Variants in AKAP8 observed in about 807,000 individuals in gnomAD.
The protein encoded by AKAP8 is A-kinase anchoring protein 8, also known as A-kinase anchor protein 8.
AKAP8 carries 24 observed loss-of-function variants against 67.5 expected under a neutral mutation model. That is an observed-to-expected ratio of 0.36 (90% CI 0.26 to 0.50). AKAP8 has a LOEUF of 0.50. Among genes scored for constraint, AKAP8 ranks in the 20% least tolerant of loss-of-function variants. The probability of loss-of-function intolerance (pLI) is 0.97; values close to 1 mark genes in which losing one functional copy is unlikely to be tolerated. For synonymous variants in AKAP8, 400 were observed against 371.1 expected, an observed-to-expected ratio of 1.08 and a Z score of -0.90; for missense variants, 971 against 955.9, an observed-to-expected ratio of 1.02 and a Z score of -0.21.
rs1368833958 is a variant in AKAP8, at chr19:15,355,049, C to T, written c.1945G>A (p.Ala649Thr). 3 of 1,614,044 alleles carry T rather than the reference C, an allele frequency of 1.9e-6. No individual in the cohort carries two copies. The highest frequency in any genetic ancestry group is 2.2e-5 in the East Asian group (1 of 44,902). ...VPKARSEAAE[A>T]GNGAETMAAE... is the part of the protein sequence containing the mutation. The stretch of plus-strand genomic sequence containing the variant: ...GCCATTGTCTCGGCGCCATTTCCAG[C>T]CTCTGCAGCCTCACTTCTGGCCTTG... The change falls in exon 14 of 14, where the codon GCT becomes ACT. Residue 649 changes from alanine to threonine, a missense_variant. By Grantham distance (58) the Ala-to-Thr change is moderately conservative. Coordinates refer to ENST00000269701, the MANE Select transcript of AKAP8 (RefSeq NM_005858.4).
intron 2 of AKAP8, among the ~76,000 whole-genome samples, chr19:15,375,560 T>C (rs552952877): frequency 6.6e-6 from 1 of 152,204 alleles, no homozygotes; most frequent in South Asian, 2.1e-4. Context: ...ACAAAAACTA[T>C]GAGCTATAGT....
chr19:15,362,825 T>C (rs1359259252), intron 9 of AKAP8, among the ~76,000 whole-genome samples: 7 of 147,538 alleles, frequency 4.7e-5, no homozygotes, highest in African/African-American at 1.5e-4. Flanking sequence ...GCCCATCGTC[T>C]GGGATGTGAG....
chr19:15,361,251 C>T lies in AKAP8; in HGVS notation c.1397-273G>A, dbSNP rs1381944152. ...TCACTGATATAAGCTGCAATCTATG[C>T]AAGGCCACATCCGAAGGTTTCTTTC... On this transcript the variant is annotated intron_variant, in intron 11 of 13. Coordinates refer to ENST00000269701, the MANE Select transcript of AKAP8 (RefSeq NM_005858.4). Among the ~76,000 whole-genome samples, 4 of 121,242 alleles carry T rather than the reference C, an allele frequency of 3.3e-5. No homozygotes were observed. In the East Asian group the frequency reaches 1.1e-3, roughly 32 times the overall value. The allele number at this position is 121,242 out of a possible 152,430, so 79.5% of individuals were successfully genotyped here.
intron 13 of AKAP8, among the ~76,000 whole-genome samples, chr19:15,358,392 T>C (rs1227088725): frequency 6.6e-6 from 1 of 151,800 alleles, no homozygotes; most frequent in African/African-American, 2.4e-5. Context: ...TCTCACTCTG[T>C]CACCTGGGCT....
rs1967264587 is a variant in AKAP8 at position 15,377,007 on chromosome 19, C to A, written c.27G>T (p.Gly9=). Residue 9 remains glycine, a synonymous_variant, in exon 2 of 14, where the codon GGG becomes GGT. Transcript: ENST00000269701. MDQGYGGY[G]AWSAGPANTQ... ...TGTTGGCAGGTCCAGCACTCCACGCCCCGTAGCCTGCAAGAAGACCCCGTG... is the reference window on the plus strand; with the variant it reads ...TGTTGGCAGGTCCAGCACTCCACGCACCGTAGCCTGCAAGAAGACCCCGTG... 1 of 1,613,172 alleles carries A rather than the reference C, an allele frequency of 6.2e-7. No homozygotes were observed. Among genetic ancestry groups the A allele is most frequent in the African/African-American group, 1.3e-5 (1 of 74,886 alleles).
chr19:15,370,035 C>T (rs541425327), intron 8 of AKAP8, 111 bp downstream of exon 8: 1 of 1,360,156 alleles, frequency 7.4e-7, no homozygotes, highest in African/African-American at 1.4e-5. Context: ...CCTCTTCCCC[C>T]ACAGCCACGG....
Position 15,366,042 on chromosome 19 carries a change from A to G in AKAP8, c.1160+2193T>C, listed in dbSNP as rs6512026. Among the ~76,000 whole-genome samples the G allele has an allele frequency of 7.1e-3, 1,075 of 150,704 alleles. 17 individuals are homozygous for G. The highest frequency in any genetic ancestry group is 0.025 in the African/African-American group (1,008 of 41,064). ...CCATCTCAAAGGATAAAAAAAAAAA[A>G]AAAGAAAAAGATCCTCAGTCACTAG... On this transcript the variant is annotated intron_variant, in intron 9 of 13. Transcript: ENST00000269701.
At chr19:15,374,465 C>T (rs1599572416) in intron 3 of AKAP8, 138 bp downstream of exon 3, 1 of 1,064,800 alleles carries the variant, frequency 9.4e-7, no homozygotes, top group Non-Finnish European at 1.3e-6. Flanking sequence ...ATATACACAA[C>T]AGCAGCCGTG....
chr19:15,365,141 T>C (rs1034202686), intron 9 of AKAP8, among the ~76,000 whole-genome samples: 8 of 152,226 alleles, frequency 5.3e-5, no homozygotes, highest in Admixed American at 4.6e-4. Context: ...CCCTAGGCTC[T>C]GGCTGGCAGC....
chr19:15,371,978 G>C lies in AKAP8; in HGVS notation c.1012C>G (p.Arg338Gly). The C allele has an allele frequency of 6.2e-7, 1 of 1,614,144 alleles. No individual in the cohort carries two copies. ...SENDDAAGDFRSGDEEFKGED... is the reference protein window; with the variant it reads ...SENDDAAGDFGSGDEEFKGED... ...CCCTTGAATTCTTCATCTCCTGAGCGGAAGTCACCAGCTGCGTCATCTGCC... is the reference window on the plus strand; with the variant it reads ...CCCTTGAATTCTTCATCTCCTGAGCCGAAGTCACCAGCTGCGTCATCTGCC... Residue 338 changes from arginine to glycine, a missense_variant, in exon 7 of 14, where the codon CGC becomes GGC. This residue lies in a region of AKAP8 where 763 missense variants were observed against 745.4 expected (regional missense o/e 1.02). Transcript: ENST00000269701.
chr19:15,364,164 T>A (rs1436154471), intron 9 of AKAP8, among the ~76,000 whole-genome samples: 1 of 141,006 alleles, frequency 7.1e-6, no homozygotes, highest in African/African-American at 2.6e-5. Flanking sequence ...TTTCCTTTTT[T>A]TTTTTTTTTT....
chr19:15,373,209 C>A lies in AKAP8; in HGVS notation c.503G>T (p.Gly168Val). The A allele has an allele frequency of 6.2e-7, 1 of 1,613,886 alleles. No individual in the cohort carries two copies. Among genetic ancestry groups the A allele is most frequent in the Non-Finnish European group, 8.5e-7 (1 of 1,180,020 alleles). Residue 168 changes from glycine (G) to valine (V), a missense_variant, in exon 5 of 14, where the codon GGG becomes GTG. By Grantham distance (109) the Gly-to-Val change is moderately radical. This residue lies in a region of AKAP8 where 763 missense variants were observed against 745.4 expected (regional missense o/e 1.02). Transcript: ENST00000269701. ...TGGGTCTCGGCATTCACTGTACTGC[C>A]CCCCAAAGCTGCCATTGCGGTCGGA... ...LGSDRNGSFG[G>V]QYSECRDPAR...
chr19:15,379,720 G>C lies in AKAP8; in HGVS notation c.12C>G (p.Gly4=), dbSNP rs1405449623. The C allele has an allele frequency of 1.9e-6, 3 of 1,611,766 alleles. No homozygotes were observed. Among genetic ancestry groups the C allele is most frequent in the Non-Finnish European group, 2.5e-6 (3 of 1,179,174 alleles). MDQ[G]YGGYGAWSAG... ...CCAGCAGCCAACACAAACCTCCGTA[G>C]CCCTGGTCCATGTCTTCGACGCGGC... The change falls in exon 1 of 14, where the codon GGC becomes GGG. Residue 4 remains glycine (G), a synonymous_variant. Coordinates refer to ENST00000269701, the MANE Select transcript of AKAP8 (RefSeq NM_005858.4).
At chr19:15,360,029 G>A (rs1966940387) in intron 12 of AKAP8, among the ~76,000 whole-genome samples, 1 of 152,054 alleles carries the variant, frequency 6.6e-6, no homozygotes, top group South Asian at 2.1e-4. Flanking sequence ...CAGCTACTTA[G>A]GAGGCTGAGG....
Position 15,369,320 on chromosome 19 carries a change from G to T in AKAP8, c.1072+826C>A. On this transcript the variant is annotated intron_variant, in intron 8 of 13. Transcript: ENST00000269701. The surrounding 1 kb of genome is among the most constrained non-coding windows in gnomAD (Gnocchi z 4.6). ...GGACAGGACTGCTGCGGGTCGCGGGGGGGAGGACCGCAGAGGGCTGGCAAA... is the reference window on the plus strand; with the variant it reads ...GGACAGGACTGCTGCGGGTCGCGGGTGGGAGGACCGCAGAGGGCTGGCAAA... 1 of 951,486 alleles carries T rather than the reference G, an allele frequency of 1.1e-6. No individual in the cohort carries two copies. The highest frequency in any genetic ancestry group is 1.3e-6 in the Non-Finnish European group (1 of 798,924). The allele number at this position is 951,486 out of a possible 1,614,324, so 58.9% of individuals were successfully genotyped here. A position where few individuals can be genotyped will look rare whatever the true frequency, so the allele number is the denominator to read the frequency against.
rs776280853 is a variant in AKAP8 at position 15,379,722 on chromosome 19, C to A, written c.10G>T (p.Gly4Cys). 1.1e-4 allele frequency: 182 copies of A among 1,611,856 alleles called. 2 individuals carry two copies. The highest frequency in any genetic ancestry group is 1.0e-4 in the Non-Finnish European group (121 of 1,179,254). MDQ[G>C]YGGYGAWSAG... ...AGCAGCCAACACAAACCTCCGTAGC[C>A]CTGGTCCATGTCTTCGACGCGGCCC... Residue 4 changes from glycine to cysteine, a missense_variant, in exon 1 of 14, where the codon GGC becomes TGC. Coordinates refer to ENST00000269701, the MANE Select transcript of AKAP8 (RefSeq NM_005858.4).
intron 2 of AKAP8, 54 bp from the exon 3 acceptor site, chr19:15,374,689 C>T: frequency 1.2e-6 from 2 of 1,602,394 alleles, no homozygotes; most frequent in Non-Finnish European, 1.7e-6. Context: ...AAGGCACTGA[C>T]ACCCCAGCTG....
chr19:15,375,874 G>A (rs1007103474), intron 2 of AKAP8, among the ~76,000 whole-genome samples: 25 of 151,634 alleles, frequency 1.6e-4, no homozygotes, highest in Admixed American at 6.6e-5. Flanking sequence ...TCCTGACCTC[G>A]TGATCTGCCC....
In AKAP8 at chr19:15,361,046, G is replaced by A. The variant is rs529174066; in HGVS notation, c.1397-68C>T. ...GATGCTTTCCTCCTACTCCCCATCT[G>A]GGCCCACGTTTTCTCCCTGCAACTC... On this transcript the variant is annotated intron_variant, in intron 11 of 13. Coordinates refer to ENST00000269701, the MANE Select transcript of AKAP8 (RefSeq NM_005858.4). 54 of 1,554,460 alleles carry A rather than the reference G, an allele frequency of 3.5e-5. No individual in the cohort carries two copies. The South Asian group carries it at 3.6e-4, about 10-fold the overall frequency.
Sources: gnomAD v4.1 joint callset for allele counts (sites outside exome capture counted in the v4.1 genomes callset) on GRCh38, gnomAD v4.1.1 for gene constraint, gnomAD v4.1.1 regional missense constraint, Gnocchi (gnomAD v3.1) non-coding constraint, MANE v1.5 for transcripts, NCBI Gene and HGNC (gene_info 2026-07-23, HGNC 2026-07-21) for gene names.